Variants in PLEKHA5 observed in about 807,000 individuals in gnomAD.
PLEKHA5 encodes the protein pleckstrin homology domain-containing family A member 5.
In PLEKHA5, 55 loss-of-function variants were observed where a neutral mutation model predicts 181.9. The ratio of observed to expected loss-of-function variants is 0.30; its 90% CI spans 0.24 to 0.38. PLEKHA5 has a LOEUF of 0.38. PLEKHA5 is among the 10% of genes least tolerant of loss of function. The pLI is 1.00. For synonymous variants in PLEKHA5, 535 were observed against 529.4 expected (o/e 1.01, Z -0.15); for missense variants, 1,432 against 1,549.5 (o/e 0.92, Z 1.27).
At chr12:19,226,402 G>A (rs370119482) in intron 3 of PLEKHA5, among the ~76,000 whole-genome samples, 2 of 152,250 alleles carry the variant, frequency 1.3e-5, no homozygotes, top group South Asian at 2.1e-4. Flanking sequence ...CTGTGAACAT[G>A]TATGTACAAG....
intron 20 of PLEKHA5, among the ~76,000 whole-genome samples, chr12:19,326,966 T>C (rs912648095): frequency 1.3e-5 from 2 of 152,242 alleles, no homozygotes; most frequent in African/African-American, 2.4e-5. Context: ...CAGTCCACCA[T>C]TGATGGGCAT....
intron 11 of PLEKHA5, among the ~76,000 whole-genome samples, chr12:19,279,988 T>A (rs1378178471): frequency 1.3e-5 from 2 of 151,234 alleles, no homozygotes; most frequent in Non-Finnish European, 2.9e-5. Flanking sequence ...GTTTATTAAT[T>A]AGGTGCCTCA....
At chr12:19,369,573 T>C (rs1448296498) in intron 30 of PLEKHA5, 120 bp from the exon 31 acceptor site, 2 of 570,464 alleles carry the variant, frequency 3.5e-6, no homozygotes, top group East Asian at 6.0e-5. Context: ...GAACCAAATG[T>C]ATCTATTACT....
chr12:19,365,793 T>G (rs1245610531), intron 29 of PLEKHA5, among the ~76,000 whole-genome samples, 171 bp from the exon 30 acceptor site: 1 of 152,200 alleles, frequency 6.6e-6, no homozygotes, highest in Non-Finnish European at 1.5e-5. Context: ...ATATACAGGT[T>G]TATTATTTGC....
intron 30 of PLEKHA5, among the ~76,000 whole-genome samples, chr12:19,367,952 C>G (rs1360226904): frequency 1.3e-5 from 2 of 152,038 alleles, no homozygotes; most frequent in South Asian, 2.1e-4. Flanking sequence ...CACTCCTGCC[C>G]TTTTGCAGAA....
In PLEKHA5 at chr12:19,130,433, C is replaced by T. The variant is rs1468877215; in HGVS notation, c.169+303C>T. ...CCCTCGCGACCCTAGAGTGGCGACG[C>T]TCCCCTCCCTGAAACCTGGAGTCCT... On this transcript the variant is annotated intron_variant, in intron 2 of 31. Transcript: ENST00000429027. The surrounding 1 kb of genome is among the most constrained non-coding windows in gnomAD (Gnocchi z 4.5). Among the ~76,000 whole-genome samples the T allele has an allele frequency of 2.0e-5, 3 of 151,932 alleles. No homozygotes were observed. Among genetic ancestry groups the T allele is most frequent in the Admixed American group, 2.0e-4 (3 of 15,262 alleles).
intron 24 of PLEKHA5, among the ~76,000 whole-genome samples, chr12:19,347,965 C>T (rs888331734): frequency 1.3e-5 from 2 of 149,988 alleles, no homozygotes; most frequent in Non-Finnish European, 2.9e-5. Context: ...TCACTGCAAG[C>T]TCCGCCTCCC....
chr12:19,264,462 T>C lies in PLEKHA5; in HGVS notation c.611-1288T>C, dbSNP rs369637774. ...TGTGACTATACCCTTTACATGAACA[T>C]AAAACATAAAATTGGATTCAAAATT... On this transcript the variant is annotated intron_variant, in intron 7 of 31. Transcript: ENST00000429027. Among the ~76,000 whole-genome samples, 14 of 152,304 alleles carry C rather than the reference T, an allele frequency of 9.2e-5. No homozygotes were observed. The East Asian group carries it at 1.9e-3, about 21-fold the overall frequency.
intron 5 of PLEKHA5, among the ~76,000 whole-genome samples, chr12:19,257,180 T>G (rs2067098190): frequency 6.6e-6 from 1 of 152,160 alleles, no homozygotes; most frequent in Non-Finnish European, 1.5e-5. Context: ...TTCTAAAAAT[T>G]GTATATCCTA....
At chr12:19,346,927 C>A in intron 23 of PLEKHA5, 67 bp from the exon 24 acceptor site, 1 of 1,016,922 alleles carries the variant, frequency 9.8e-7, no homozygotes. Flanking sequence ...TATACCATTG[C>A]AAAGAATTTA....
chr12:19,140,581 T>C (rs1039672546), intron 3 of PLEKHA5, among the ~76,000 whole-genome samples: 10 of 152,208 alleles, frequency 6.6e-5, no homozygotes, highest in African/African-American at 2.2e-4. Flanking sequence ...AGTCTTATAC[T>C]GTAGCCACCT....
rs372177735 is a variant in PLEKHA5 at position 19,315,815 on chromosome 12, G to C, written c.2118+921G>C. Among the ~76,000 whole-genome samples the C allele has an allele frequency of 1.7e-3, 254 of 152,224 alleles. 2 individuals carry two copies. The highest frequency in any genetic ancestry group is 5.8e-3 in the African/African-American group (239 of 41,550). On this transcript the variant is annotated intron_variant, in intron 16 of 31. Coordinates refer to ENST00000429027, the MANE Select transcript of PLEKHA5 (RefSeq NM_001256470.2). ...GCTTTTAAGGCCTCTATTTGGTTCA[G>C]TTGCCATGGGATCTGCATCACAGGG...
intron 15 of PLEKHA5, chr12:19,307,503 G>C: frequency 3.3e-6 from 1 of 301,998 alleles, no homozygotes; most frequent in Non-Finnish European, 6.6e-6. Context: ...TATGAAAAGA[G>C]TACAAGAAGC....
rs540696829 is a variant in PLEKHA5 at position 19,302,630 on chromosome 12, C to G, written c.2037+10933C>G. On this transcript the variant is annotated intron_variant, in intron 15 of 31. Transcript: ENST00000429027. ...CAGGCTGGTCTTGAACTCCTGACCT[C>G]AAGTGGTCCTCCCACCTTGGCCTCC... 2.5e-3 allele frequency among the ~76,000 whole-genome samples: 384 copies of G among 152,094 alleles called. 1 individual carries two copies. Among genetic ancestry groups the G allele is most frequent in the African/African-American group, 8.6e-3 (357 of 41,492 alleles).
chr12:19,202,511 C>G (rs1006580736), intron 3 of PLEKHA5, among the ~76,000 whole-genome samples: 1 of 151,992 alleles, frequency 6.6e-6, no homozygotes, highest in Non-Finnish European at 1.5e-5. Context: ...TGAAAGGTTT[C>G]TGGACCCTGA....
chr12:19,365,552 A>G (rs1377812668), intron 29 of PLEKHA5, among the ~76,000 whole-genome samples: 3 of 152,156 alleles, frequency 2.0e-5, no homozygotes, highest in Non-Finnish European at 2.9e-5. Flanking sequence ...TTTGTCAGGC[A>G]ATATATGGAC....
At chr12:19,356,996 G>A (rs1027032037) in intron 26 of PLEKHA5, among the ~76,000 whole-genome samples, 8 of 146,030 alleles carry the variant, frequency 5.5e-5, no homozygotes, top group African/African-American at 2.0e-4. Context: ...TAGAAAATAA[G>A]TGTTTTCGTA....
chr12:19,154,305 A>G (rs935943142), intron 3 of PLEKHA5: 3 of 151,728 alleles, frequency 2.0e-5, no homozygotes, highest in Non-Finnish European at 4.4e-5. Flanking sequence ...AGTTTTATAA[A>G]CTTTTTTTTA....
Position 19,348,459 on chromosome 12 carries a change from G to A in PLEKHA5, c.2959G>A (p.Glu987Lys). ...PELTTVAEVDESNGEEKSEPV... is the reference protein window; with the variant it reads ...PELTTVAEVDKSNGEEKSEPV... ...GTTAACAACAGTGGCAGAAGTTGAT[G>A]AATCTAATGGAGAAGAAAAATCAGA... Residue 987 changes from glutamate to lysine, a missense_variant, in exon 25 of 32, where the codon GAA becomes AAA. Coordinates refer to ENST00000429027, the MANE Select transcript of PLEKHA5 (RefSeq NM_001256470.2). The A allele has an allele frequency of 6.3e-7, 1 of 1,580,006 alleles. No individual in the cohort carries two copies. Among genetic ancestry groups the A allele is most frequent in the Non-Finnish European group, 8.6e-7 (1 of 1,164,878 alleles).
Sources: allele counts gnomAD v4.1 joint callset (sites outside exome capture counted in the v4.1 genomes callset), GRCh38; gene constraint gnomAD v4.1.1; non-coding constraint Gnocchi (gnomAD v3.1); transcripts MANE v1.5; gene names NCBI Gene and HGNC (gene_info 2026-07-23, HGNC 2026-07-21).